SHPK: variants seen among roughly 807,000 people sequenced by gnomAD.
The protein encoded by SHPK is carbohydrate kinase-like protein.
In SHPK, 51 loss-of-function variants were observed where a neutral mutation model predicts 46.3. The observed-to-expected ratio is 1.10, with a 90% CI of 0.88 to 1.39. The LOEUF is 1.39. Among genes scored for constraint, SHPK ranks in the 40% most tolerant of loss-of-function variants. The pLI, the probability that SHPK is intolerant of heterozygous loss-of-function variation, is 0.00. For synonymous variants in SHPK, 290 were observed against 273.9 expected, an observed-to-expected ratio of 1.06 and a Z score of -0.58; for missense variants, 668 against 641.3, an observed-to-expected ratio of 1.04 and a Z score of -0.45.
At chr17:3,625,424 G>T (rs2075427730) in intron 2 of SHPK, among the ~76,000 whole-genome samples, 1 of 152,156 alleles carries the variant, frequency 6.6e-6, no homozygotes, top group Admixed American at 6.5e-5. Flanking sequence ...GTCTCTCTGG[G>T]GGAATCAGCC....
At position 3,630,291 on chromosome 17, in the gene SHPK, G is replaced by A. The variant is rs377481198; in HGVS notation, c.224C>T (p.Ala75Val). Residue 75 changes from alanine (A) to valine (V), a missense_variant, in exon 2 of 7, where the codon GCC becomes GTC. Transcript: ENST00000225519. The stretch of plus-strand genomic sequence containing the variant: ...GCTCCGGAGCTGGGGTCGGGGAAGG[G>A]CAGCAAGGCACTCGTGTAGGGCTTG... ...ILQALHECLA[A>V]LPRPQLRSVV... is the part of the protein sequence containing the mutation. The A allele has an allele frequency of 5.6e-6, 9 of 1,613,492 alleles. No individual in the cohort carries two copies. Among genetic ancestry groups the A allele is most frequent in the African/African-American group, 1.3e-5 (1 of 74,922 alleles).
chr17:3,629,267 T>A (rs1237458943), intron 2 of SHPK, among the ~76,000 whole-genome samples: 2 of 152,220 alleles, frequency 1.3e-5, no homozygotes, highest in East Asian at 1.9e-4. Flanking sequence ...TCCGACGAGA[T>A]CATGCAACTG....
intron 1 of SHPK, among the ~76,000 whole-genome samples, chr17:3,635,505 G>A (rs2075513983): frequency 6.6e-6 from 1 of 152,204 alleles, no homozygotes; most frequent in Non-Finnish European, 1.5e-5. Context: ...AAAGCGCTGG[G>A]ATTACAGGCG....
intron 1 of SHPK, among the ~76,000 whole-genome samples, chr17:3,631,183 G>T (rs1371261776): frequency 6.6e-6 from 1 of 152,116 alleles, no homozygotes; most frequent in African/African-American, 2.4e-5. Flanking sequence ...TACAGGGGAA[G>T]CACAGCCTTT....
chr17:3,635,240 A>AGGAAGGAAGGAAGGAAGGAAAG (rs1555556012), intron 1 of SHPK, among the ~76,000 whole-genome samples: 1 of 140,248 alleles, frequency 7.1e-6, no homozygotes, highest in Non-Finnish European at 1.6e-5. Context: ...GAAGGAAGGA[A>AGGAAGGAAGGAAGGAAGGAAAG]GGAAGGGAAG....
At chr17:3,620,617 A>G (rs559566901) in intron 5 of SHPK, among the ~76,000 whole-genome samples, 15 of 151,526 alleles carry the variant, frequency 9.9e-5, no homozygotes, top group African/African-American at 3.1e-4. Flanking sequence ...GCTGGAGTGC[A>G]GTGATGTGAT....
chr17:3,624,677 A>G (rs543517100), intron 2 of SHPK, among the ~76,000 whole-genome samples: 1 of 152,018 alleles, frequency 6.6e-6, no homozygotes, highest in African/African-American at 2.4e-5. Flanking sequence ...TTTTTCAGAC[A>G]GAGTCTCATT....
chr17:3,611,395 C>A (rs410636), intron 6 of SHPK, among the ~76,000 whole-genome samples: 4 of 151,966 alleles, frequency 2.6e-5, no homozygotes, highest in Non-Finnish European at 1.5e-5. Context: ...GTGGTGAAAC[C>A]CTGTCTCTAC....
At position 3,621,374 on chromosome 17, in the gene SHPK, T is replaced by A; in HGVS notation, c.686A>T (p.Asp229Val). The A allele has an allele frequency of 8.7e-6, 14 of 1,614,154 alleles. No homozygotes were observed. Among genetic ancestry groups the A allele is most frequent in the Non-Finnish European group, 1.1e-5 (13 of 1,179,996 alleles). The change falls in exon 5 of 7, where the codon GAC becomes GTC. Residue 229 changes from aspartate to valine, a missense_variant. Transcript: ENST00000225519. Reference sequence around the variant, plus strand: ...CGCCACACTGCCAGGCTCGGCGATGTCTGGGAGCAGGTGGACAGGAAAACC... The same window carrying A: ...CGCCACACTGCCAGGCTCGGCGATGACTGGGAGCAGGTGGACAGGAAAACC... Reference protein sequence around the residue: ...SSGFPVHLLPDIAEPGSVAGR... With the variant: ...SSGFPVHLLPVIAEPGSVAGR...
chr17:3,632,846 G>A (rs2075481246), intron 1 of SHPK, among the ~76,000 whole-genome samples: 1 of 151,982 alleles, frequency 6.6e-6, no homozygotes. Context: ...CGAAAACCTT[G>A]TATTTTAAAT....
chr17:3,616,224 T>G (rs1197296729), intron 5 of SHPK, among the ~76,000 whole-genome samples: 1 of 152,108 alleles, frequency 6.6e-6, no homozygotes, highest in East Asian at 1.9e-4. Context: ...GTGACTCACT[T>G]CTAGTGAACA....
In SHPK at chr17:3,630,239, C is replaced by G. The variant is rs142124353; in HGVS notation, c.276G>C (p.Gln92His). 1 of 1,613,722 alleles carries G rather than the reference C, an allele frequency of 6.2e-7. No individual in the cohort carries two copies. The highest frequency in any genetic ancestry group is 1.3e-5 in the African/African-American group (1 of 74,886). Residue 92 changes from glutamine (Q) to histidine (H), a missense_variant, in exon 2 of 7, where the codon CAG becomes CAC. Physicochemically the swap from Gln to His is conservative, Grantham distance 24. Transcript: ENST00000225519. ...RSVVGIGVSG[Q>H]MHGVVFWKTG... ...TTTTCCAAAACACGACTCCATGCAT[C>G]TGGCCCGACACCCCGATGCCCACGA...
chr17:3,621,230 A>C lies in SHPK; in HGVS notation c.823+7T>G, dbSNP rs2075398311. ...AAGTCTGAGGACAGAACAAAAGAAAAACTTACCTGCATCTGTCCTCTGGGC... is the reference window on the plus strand; with the variant it reads ...AAGTCTGAGGACAGAACAAAAGAAACACTTACCTGCATCTGTCCTCTGGGC... On this transcript the variant is annotated splice_region_variant and intron_variant, in intron 5 of 6. Transcript: ENST00000225519. The C allele has an allele frequency of 6.3e-7, 1 of 1,599,678 alleles. No individual in the cohort carries two copies. The highest frequency in any genetic ancestry group is 8.5e-7 in the Non-Finnish European group (1 of 1,173,298).
intron 5 of SHPK, among the ~76,000 whole-genome samples, chr17:3,616,694 A>C (rs1234303290): frequency 6.6e-6 from 1 of 152,204 alleles, no homozygotes; most frequent in African/African-American, 2.4e-5. Context: ...GGCAGTGAAT[A>C]CTACTCTTGC....
At chr17:3,634,525 T>C (rs1597581495) in intron 1 of SHPK, among the ~76,000 whole-genome samples, 1 of 146,290 alleles carries the variant, frequency 6.8e-6, no homozygotes, top group East Asian at 2.0e-4. Context: ...TGAGCAGAGA[T>C]TGCACCACTG....
chr17:3,622,477 G>T, intron 4 of SHPK: 2 of 521,022 alleles, frequency 3.8e-6, no homozygotes, highest in Non-Finnish European at 4.9e-6. Flanking sequence ...TATCAAACGT[G>T]TTAGTCACTC....
At chr17:3,635,299 G>C (rs947868003) in intron 1 of SHPK, among the ~76,000 whole-genome samples, 1 of 150,022 alleles carries the variant, frequency 6.7e-6, no homozygotes, top group Non-Finnish European at 1.5e-5. Context: ...GCAACGGAGC[G>C]ATCTCGACTC....
intron 3 of SHPK, 47 bp downstream of exon 3, chr17:3,624,001 A>G: frequency 1.3e-6 from 2 of 1,549,130 alleles, no homozygotes; most frequent in Middle Eastern, 1.8e-4. Context: ...GCCTATTCTC[A>G]TTCTCCCGGA....
At position 3,623,574 on chromosome 17, in the gene SHPK, C is replaced by T. The variant is rs888374823; in HGVS notation, c.495-83G>A. 4.1e-5 allele frequency: 58 copies of T among 1,402,980 alleles called. 1 individual carries two copies. The South Asian group carries it at 6.8e-4, about 16-fold the overall frequency. 86.9% of individuals were successfully genotyped at this position (1,402,980 alleles called of 1,614,324 possible). On this transcript the variant is annotated intron_variant, in intron 3 of 6. Transcript: ENST00000225519. ...CGCACCTAGCTGCAGGCAGCAGGGA[C>T]CAGCTGTGCCATGGCCAGGTGGCAG...
Sources: gnomAD v4.1 joint callset for allele counts (sites outside exome capture counted in the v4.1 genomes callset) on GRCh38, gnomAD v4.1.1 for gene constraint, MANE v1.5 for transcripts, NCBI Gene and HGNC (gene_info 2026-07-23, HGNC 2026-07-21) for gene names.